The following ATP2A3 variants were observed in gnomAD, a reference collection of about 807,000 sequenced individuals.
ATP2A3 encodes sarcoplasmic/endoplasmic reticulum calcium ATPase 3.
Under a neutral mutation model 106.8 loss-of-function variants are expected in ATP2A3, and 61 were observed. The ratio of observed to expected loss-of-function variants is 0.57; its 90% CI spans 0.46 to 0.71. ATP2A3 has a LOEUF of 0.71. ATP2A3 is among the 30% of genes least tolerant of loss of function. ATP2A3 has a pLI of 0.00. For synonymous variants in ATP2A3, 611 were observed against 609.3 expected (o/e 1.00, Z -0.04); for missense variants, 1,201 against 1,423.5 (o/e 0.84, Z 2.52).
intron 7 of ATP2A3, among the ~76,000 whole-genome samples, chr17:3,950,162 AT>A (rs373505320): frequency 0.24 from 33,607 of 138,374 alleles, 4,420 homozygotes; most frequent in African/African-American, 0.36. Context: ...AAAAAAAAAT[AT>A]TTTTTTTTTT....
At position 3,929,445 on chromosome 17, in the gene ATP2A3, G is replaced by A. The variant is rs921138985; in HGVS notation, c.2745C>T (p.Ser915=). The change falls in exon 19 of 21, where the codon AGC becomes AGT. Residue 915 remains serine (S), a splice_region_variant and synonymous_variant. Coordinates refer to ENST00000397041, the MANE Select transcript of ATP2A3 (RefSeq NM_005173.4). The surrounding 1 kb of genome is among the most constrained non-coding windows in gnomAD (Gnocchi z 4.3). ...VTIEMCNALN[S]VSENQSLLRM... Reference sequence around the variant, plus strand: ...GCAGCAGCGACTGGTTCTCCGAGACGCTGCCAGGGCACAGGGTGCTCCCCT... The same window carrying A: ...GCAGCAGCGACTGGTTCTCCGAGACACTGCCAGGGCACAGGGTGCTCCCCT... 32 of 1,589,716 alleles carry A rather than the reference G, an allele frequency of 2.0e-5. No homozygotes were observed. Among genetic ancestry groups the A allele is most frequent in the Middle Eastern group, 2.0e-4 (1 of 5,072 alleles).
rs755579136 is a variant in ATP2A3 at position 3,953,757 on chromosome 17, A to AGT, written c.119-49_119-48dup. 1 of 1,561,834 alleles carries AGT rather than the reference A, an allele frequency of 6.4e-7. No homozygotes were observed. The highest frequency in any genetic ancestry group is 2.4e-5 in the East Asian group (1 of 41,934). ...GGGAGCCATGAGGAGACAAGAGAGG[A>AGT]GTGGGTCACGCAGGGGCCTCGGGGG... On this transcript the variant is annotated intron_variant, in intron 1 of 20. Coordinates refer to ENST00000397041, the MANE Select transcript of ATP2A3 (RefSeq NM_005173.4). The surrounding 1 kb of genome is among the most constrained non-coding windows in gnomAD (Gnocchi z 5.1).
rs1441172665 is a variant in ATP2A3, at chr17:3,927,000, CCCCTG to C, written c.2981-1564_2981-1560del. ...TCTACCTTGGCACTCAAGGCCCTTG[CCCCTG>C]CCGGGCCTCACCCCTCTGCCCTGCA... is the stretch of plus-strand genomic sequence containing the variant. On this transcript the variant is annotated intron_variant, in intron 20 of 20. Transcript: ENST00000397041. The surrounding 1 kb of genome is among the most constrained non-coding windows in gnomAD (Gnocchi z 4.6). The C allele has an allele frequency of 3.0e-6, 3 of 985,374 alleles. No homozygotes were observed. In the African/African-American group the frequency reaches 5.2e-5, roughly 17 times the overall value. The allele number at this position is 985,374 out of a possible 1,614,324, so 61.0% of individuals were successfully genotyped here.
chr17:3,961,920 C>G lies in ATP2A3; in HGVS notation c.118+2254G>C, dbSNP rs183141219. ...GAAGGGGCAGGGCTAGGGTTCAAAGCCTCATCAGCTCCACCCCAGCAGCTG... is the reference window on the plus strand; with the variant it reads ...GAAGGGGCAGGGCTAGGGTTCAAAGGCTCATCAGCTCCACCCCAGCAGCTG... On this transcript the variant is annotated intron_variant, in intron 1 of 20. Coordinates refer to ENST00000397041, the MANE Select transcript of ATP2A3 (RefSeq NM_005173.4). Among the ~76,000 whole-genome samples, 5 of 152,304 alleles carry G rather than the reference C, an allele frequency of 3.3e-5. No individual in the cohort carries two copies. In the South Asian group the frequency reaches 6.2e-4, roughly 19 times the overall value.
At chr17:3,952,498 T>C (rs1452859466) in intron 3 of ATP2A3, among the ~76,000 whole-genome samples, 4 of 152,274 alleles carry the variant, frequency 2.6e-5, no homozygotes, top group Admixed American at 6.5e-5. Flanking sequence ...CCAAAATCCA[T>C]GTGGGGGACA....
At chr17:3,962,221 G>A (rs1261412110) in intron 1 of ATP2A3, among the ~76,000 whole-genome samples, 2 of 152,214 alleles carry the variant, frequency 1.3e-5, no homozygotes, top group Non-Finnish European at 2.9e-5. Context: ...TGGGGAAACT[G>A]AGGCCCAGAG....
At chr17:3,959,690 C>A (rs2055030524) in intron 1 of ATP2A3, among the ~76,000 whole-genome samples, 1 of 152,260 alleles carries the variant, frequency 6.6e-6, no homozygotes, top group Non-Finnish European at 1.5e-5. Context: ...CTTGCAGAGT[C>A]AGGAAGAGGC....
rs372188870 is a variant in ATP2A3 at position 3,942,758 on chromosome 17, T to C, written c.1420-27A>G. On this transcript the variant is annotated intron_variant, in intron 11 of 20. Coordinates refer to ENST00000397041, the MANE Select transcript of ATP2A3 (RefSeq NM_005173.4). The stretch of plus-strand genomic sequence containing the variant: ...TGCGGGGTCCAGGCAGGTCAGGGCA[T>C]GAAGGACAGAGCCAGCAACTCTCGC... The C allele has an allele frequency of 5.0e-6, 8 of 1,609,846 alleles. No homozygotes were observed. In the African/African-American group the frequency reaches 9.4e-5, roughly 19 times the overall value.
intron 1 of ATP2A3, among the ~76,000 whole-genome samples, chr17:3,954,100 G>A (rs916510839): frequency 6.6e-6 from 1 of 152,068 alleles, no homozygotes; most frequent in African/African-American, 2.4e-5. Context: ...ACGGCTCCCT[G>A]CATAGCCCTT....
Position 3,955,244 on chromosome 17 carries a change from TCCA to T in ATP2A3, c.119-1537_119-1535del, listed in dbSNP as rs1318788257. 6.6e-6 allele frequency among the ~76,000 whole-genome samples: 1 copy of T among 152,176 alleles called. No homozygotes were observed. Among genetic ancestry groups the T allele is most frequent in the East Asian group, 1.9e-4 (1 of 5,190 alleles). ...CACTGGAAACAGGTCCTTGCATTGG[TCCA>T]CCTGTTTTTGGCCTACAGGCATTTT... On this transcript the variant is annotated intron_variant, in intron 1 of 20. Transcript: ENST00000397041. The surrounding 1 kb of genome is among the most constrained non-coding windows in gnomAD (Gnocchi z 4.2).
chr17:3,932,754 A>G (rs1375721413), intron 17 of ATP2A3, among the ~76,000 whole-genome samples: 1 of 150,568 alleles, frequency 6.6e-6, no homozygotes, highest in African/African-American at 2.5e-5. Flanking sequence ...GGTGCTGATC[A>G]TAGAGAAGGG....
rs1347909421 is a variant in ATP2A3 at position 3,964,328 on chromosome 17, G to T, written c.-37C>A. 2 of 1,123,406 alleles carry T rather than the reference G, an allele frequency of 1.8e-6. No homozygotes were observed. The highest frequency in any genetic ancestry group is 2.2e-6 in the Non-Finnish European group (2 of 905,934). 69.6% of individuals were successfully genotyped at this position (1,123,406 alleles called of 1,614,324 possible). ...GGCCGTCTGCGCCGTCCGCACCGTC[G>T]AGGCCGCCTCTCCGCCGGGGGGCTA... On this transcript the variant is annotated 5_prime_UTR_variant, in exon 1 of 21. Transcript: ENST00000397041.
rs1330292468 is a variant in ATP2A3 at position 3,945,059 on chromosome 17, C to T, written c.1184+1G>A. 6.5e-7 allele frequency: 1 copy of T among 1,541,592 alleles called. No homozygotes were observed. The highest frequency in any genetic ancestry group is 8.8e-7 in the Non-Finnish European group (1 of 1,142,710). On this transcript the variant is annotated splice_donor_variant, in intron 9 of 20. Coordinates refer to ENST00000397041, the MANE Select transcript of ATP2A3 (RefSeq NM_005173.4). LOFTEE classifies it high-confidence loss of function. The stretch of plus-strand genomic sequence containing the variant: ...CGCGCGTCCCCTGGCCCCGCACTCA[C>T]ACTTCGCCCTCGGGGGTATACGTGG...
At chr17:3,950,120 C>G (rs12950789) in intron 7 of ATP2A3, among the ~76,000 whole-genome samples, 33,137 of 150,170 alleles carry the variant, frequency 0.22, 4,009 homozygotes, top group African/African-American at 0.31. Flanking sequence ...CGAGATCGTA[C>G]CACTGCACTC....
intron 1 of ATP2A3, among the ~76,000 whole-genome samples, chr17:3,959,277 A>C (rs1466198714): frequency 6.6e-6 from 1 of 152,042 alleles, no homozygotes; most frequent in East Asian, 1.9e-4. Context: ...CCCCCTTTCC[A>C]GGAAGCCTTC....
Position 3,925,476 on chromosome 17 carries a change from T to G in ATP2A3, c.2981-35A>C. The G allele has an allele frequency of 6.2e-7, 1 of 1,604,366 alleles. No homozygotes were observed. Among genetic ancestry groups the G allele is most frequent in the South Asian group, 1.1e-5 (1 of 89,662 alleles). ...AAACCCAAGAGCGCGTTAAGATGTA[T>G]GTGTAAGGGCACACATCCAGACAGC... is the stretch of plus-strand genomic sequence containing the variant. On this transcript the variant is annotated intron_variant, in intron 20 of 20. Coordinates refer to ENST00000397041, the MANE Select transcript of ATP2A3 (RefSeq NM_005173.4). This position sits in a 1 kb window ranked among gnomAD's most constrained non-coding sequence, Gnocchi z 4.2.
chr17:3,962,125 GC>G (rs917420760), intron 1 of ATP2A3, among the ~76,000 whole-genome samples: 5 of 152,194 alleles, frequency 3.3e-5, no homozygotes, highest in African/African-American at 9.7e-5. Context: ...AGCTGAAAAA[GC>G]TGCTGCCGGC....
In ATP2A3 at chr17:3,928,333, T is replaced by C. The variant is rs1351290126; in HGVS notation, c.2980+330A>G. 1.5e-5 allele frequency: 24 copies of C among 1,612,310 alleles called. No individual in the cohort carries two copies. Among genetic ancestry groups the C allele is most frequent in the Non-Finnish European group, 1.9e-5 (23 of 1,179,652 alleles). On this transcript the variant is annotated intron_variant, in intron 20 of 20. Transcript: ENST00000397041. This position sits in a 1 kb window ranked among gnomAD's most constrained non-coding sequence, Gnocchi z 6.1. ...AAGGCCTGGATAAAGACAGGCTGGG[T>C]GCAGAGGGGTCAGAGGCTGAGGCCC...
intron 9 of ATP2A3, 65 bp from the exon 10 acceptor site, chr17:3,944,871 G>C (rs1317714727): frequency 2.2e-6 from 2 of 911,540 alleles, no homozygotes; most frequent in Non-Finnish European, 3.1e-6. Flanking sequence ...CCGCCTCTTG[G>C]CCCCGCCCCT....
Sources: allele counts gnomAD v4.1 joint callset (sites outside exome capture counted in the v4.1 genomes callset), GRCh38; gene constraint gnomAD v4.1.1; non-coding constraint Gnocchi (gnomAD v3.1); transcripts MANE v1.5; gene names NCBI Gene and HGNC (gene_info 2026-07-23, HGNC 2026-07-21).